Variants in SLAIN2 observed in about 807,000 individuals in gnomAD.
SLAIN2 encodes the protein SLAIN motif-containing protein 2.
A neutral mutation model predicts 56.6 loss-of-function variants in SLAIN2; 31 were observed. The ratio of observed to expected loss-of-function variants is 0.55; its 90% CI spans 0.41 to 0.74. The LOEUF is 0.74. Among genes scored for constraint, SLAIN2 ranks in the 30% least tolerant of loss-of-function variants. SLAIN2 has a pLI of 0.00. For missense variants in SLAIN2, 777 were observed against 754.2 expected, an observed-to-expected ratio of 1.03 and a Z score of -0.35; for synonymous variants, 317 against 284.9, an observed-to-expected ratio of 1.11 and a Z score of -1.13.
Position 48,382,690 on chromosome 4 carries a change from G to A in SLAIN2, c.985G>A (p.Asp329Asn). Residue 329 changes from aspartate (D) to asparagine (N), a missense_variant, in exon 5 of 8, where the codon GAC (aspartate) becomes AAC (asparagine). Transcript: ENST00000264313. ...LDAQSLDDED[D>N]NMHHAVYPAV... ...TGCACAAAGTTTAGATGATGAAGAT[G>A]ACAATATGCATCATGCAGTATACCC... is the stretch of plus-strand genomic sequence containing the variant. 1 of 1,613,838 alleles carries A rather than the reference G, an allele frequency of 6.2e-7. No homozygotes were observed. The highest frequency in any genetic ancestry group is 2.2e-5 in the East Asian group (1 of 44,838).
intron 6 of SLAIN2, among the ~76,000 whole-genome samples, chr4:48,399,140 G>A (rs1159097285): frequency 6.6e-6 from 1 of 152,140 alleles, no homozygotes; most frequent in Non-Finnish European, 1.5e-5. Flanking sequence ...CCATGAGCAT[G>A]GAATGTTTTT....
At chr4:48,416,391 G>GTGTAGAGGGAA (rs1553905312) in intron 6 of SLAIN2, among the ~76,000 whole-genome samples, 4 of 117,470 alleles carry the variant, frequency 3.4e-5, no homozygotes, top group Non-Finnish European at 5.2e-5. Context: ...GAATGCTTGT[G>GTGTAGAGGGAA]ATTTTTGTAC....
intron 6 of SLAIN2, among the ~76,000 whole-genome samples, chr4:48,407,006 G>A (rs1335957352): frequency 6.6e-6 from 1 of 151,892 alleles, no homozygotes; most frequent in Non-Finnish European, 1.5e-5. Context: ...TCCCAGATTC[G>A]GGGTATGTTC....
chr4:48,376,731 C>T (rs1200331193), intron 2 of SLAIN2, among the ~76,000 whole-genome samples: 8 of 148,488 alleles, frequency 5.4e-5, no homozygotes, highest in Non-Finnish European at 1.2e-4. Flanking sequence ...ACGCCATTCT[C>T]CTGCCTCAGC....
At chr4:48,342,340 C>G (rs571419448) in intron 1 of SLAIN2, among the ~76,000 whole-genome samples, 2 of 152,174 alleles carry the variant, frequency 1.3e-5, no homozygotes, top group Non-Finnish European at 1.5e-5. Flanking sequence ...GCTCGTTGTC[C>G]TTTGGATTGT....
chr4:48,411,034 A>G (rs1323616095), intron 6 of SLAIN2, among the ~76,000 whole-genome samples: 3 of 152,016 alleles, frequency 2.0e-5, no homozygotes, highest in Non-Finnish European at 4.4e-5. Flanking sequence ...AGGACCCCTG[A>G]CCGTGAATAC....
chr4:48,403,846 G>A (rs6822588), intron 6 of SLAIN2, among the ~76,000 whole-genome samples: 3,178 of 152,298 alleles, frequency 0.021, 118 homozygotes, highest in African/African-American at 0.073. Flanking sequence ...GCCATTCTGC[G>A]GAGACGCCAC....
intron 6 of SLAIN2, among the ~76,000 whole-genome samples, chr4:48,390,155 A>G (rs968447078): frequency 1.3e-5 from 2 of 149,994 alleles, no homozygotes; most frequent in African/African-American, 4.9e-5. Flanking sequence ...GCTTACTGCA[A>G]CCTCCACCTC....
intron 2 of SLAIN2, among the ~76,000 whole-genome samples, chr4:48,375,703 T>C (rs1399001882): frequency 6.6e-6 from 1 of 152,246 alleles, no homozygotes; most frequent in Non-Finnish European, 1.5e-5. Flanking sequence ...TTCAGACTTC[T>C]GAGCGTAGTG....
At chr4:48,363,553 G>C in intron 1 of SLAIN2, among the ~76,000 whole-genome samples, 1 of 90,430 alleles carries the variant, frequency 1.1e-5, no homozygotes. Flanking sequence ...AGACGGGGCG[G>C]CTGGCCGGGC....
At position 48,422,017 on chromosome 4, in the gene SLAIN2, G is replaced by C; in HGVS notation, c.1686G>C (p.Leu562Phe). The change falls in exon 8 of 8, where the codon TTG becomes TTC. Residue 562 changes from leucine to phenylalanine, a missense_variant. By Grantham distance (22) the Leu-to-Phe change is conservative. Transcript: ENST00000264313. ...SKLAQPVRRS[L>F]PAPKTYGSMK... ...CAAAATTGCTTTATTACAGATCCTT[G>C]CCAGCTCCTAAAACCTATGGTAGCA... 6.2e-7 allele frequency: 1 copy of C among 1,608,268 alleles called. No individual in the cohort carries two copies. The highest frequency in any genetic ancestry group is 1.1e-5 in the South Asian group (1 of 89,634).
rs1283305146 is a variant in SLAIN2 at position 48,353,550 on chromosome 4, A to G, written c.389+11422A>G. Among the ~76,000 whole-genome samples, 4 of 152,174 alleles carry G rather than the reference A, an allele frequency of 2.6e-5. 1 individual carries two copies. The highest frequency in any genetic ancestry group is 4.1e-4 in the South Asian group (2 of 4,830). ...CCGTGGGTTAAACTCTCCACGATGC[A>G]TGAAACAAACATTTATTTGGTCAGT... On this transcript the variant is annotated intron_variant, in intron 1 of 7. Coordinates refer to ENST00000264313, the MANE Select transcript of SLAIN2 (RefSeq NM_020846.2).
intron 6 of SLAIN2, among the ~76,000 whole-genome samples, chr4:48,402,996 T>C (rs983424431): frequency 2.0e-5 from 3 of 152,162 alleles, no homozygotes; most frequent in African/African-American, 4.8e-5. Flanking sequence ...TGGGGGTCCA[T>C]TCCAGACCCT....
intron 4 of SLAIN2, among the ~76,000 whole-genome samples, chr4:48,381,501 A>G (rs1263965003): frequency 6.6e-6 from 1 of 152,168 alleles, no homozygotes; most frequent in Non-Finnish European, 1.5e-5. Flanking sequence ...GTGATCCAAC[A>G]GTGCTCTTTT....
At chr4:48,345,384 T>C (rs1291407439) in intron 1 of SLAIN2, among the ~76,000 whole-genome samples, 2 of 152,238 alleles carry the variant, frequency 1.3e-5, no homozygotes, top group Non-Finnish European at 2.9e-5. Context: ...TGGTTATTTT[T>C]TTCTTAATTA....
chr4:48,419,770 G>T (rs1380500113), intron 6 of SLAIN2, among the ~76,000 whole-genome samples: 1 of 152,174 alleles, frequency 6.6e-6, no homozygotes, highest in South Asian at 2.1e-4. Flanking sequence ...CAACAGTTGG[G>T]TAGTCAACCT....
chr4:48,415,568 A>G (rs1577740629), intron 6 of SLAIN2, among the ~76,000 whole-genome samples: 1 of 79,164 alleles, frequency 1.3e-5, no homozygotes, highest in Non-Finnish European at 3.0e-5. Flanking sequence ...GTTTCATTAG[A>G]TCCCATTTGT....
chr4:48,367,909 A>G (rs1466949018), intron 1 of SLAIN2, among the ~76,000 whole-genome samples: 1 of 152,088 alleles, frequency 6.6e-6, no homozygotes, highest in African/African-American at 2.4e-5. Flanking sequence ...ATATCACCCT[A>G]AAAAGAAACC....
chr4:48,363,995 C>T (rs1446769345), intron 1 of SLAIN2, among the ~76,000 whole-genome samples: 6 of 122,456 alleles, frequency 4.9e-5, no homozygotes, highest in Admixed American at 7.5e-5. Flanking sequence ...ACCTCCCTCC[C>T]GGACGGGGTG....
Sources: gnomAD v4.1 joint callset for allele counts (sites outside exome capture counted in the v4.1 genomes callset) on GRCh38, gnomAD v4.1.1 for gene constraint, MANE v1.5 for transcripts, NCBI Gene and HGNC (gene_info 2026-07-23, HGNC 2026-07-21) for gene names.